The following SHTN1 variants were observed in gnomAD, a reference collection of about 807,000 sequenced individuals.
SHTN1 encodes shootin-1.
A neutral mutation model predicts 83.1 loss-of-function variants in SHTN1; 42 were observed. That is an observed-to-expected ratio of 0.51 (90% CI 0.39 to 0.65). SHTN1 has a LOEUF of 0.65. Ranked by LOEUF, SHTN1 falls within the 30% of genes least tolerant of loss-of-function variation. The pLI, the probability that SHTN1 is intolerant of heterozygous loss-of-function variation, is 0.00. For missense variants in SHTN1, 622 were observed against 737.8 expected (o/e 0.84, Z 1.82); for synonymous variants, 224 against 247.7 (o/e 0.90, Z 0.90).
chr10:116,975,033 A>C (rs1051698416), intron 2 of SHTN1, among the ~76,000 whole-genome samples: 3 of 152,116 alleles, frequency 2.0e-5, no homozygotes, highest in Admixed American at 2.0e-4. Flanking sequence ...AGAGTTGTTC[A>C]CCTCAGTATG....
rs190444879 is a variant in SHTN1, at chr10:117,038,424, G to A, written c.-123+10021C>T. 7.6e-4 allele frequency among the ~76,000 whole-genome samples: 115 copies of A among 151,918 alleles called. 1 individual carries two copies. The highest frequency in any genetic ancestry group is 2.8e-3 in the African/African-American group (114 of 41,378). On this transcript the variant is annotated intron_variant, in intron 2 of 17. Transcript: ENST00000392901. Reference sequence around the variant, plus strand: ...CAAAATGCTGGGATTACAGGCATGAGCCAATGCACCCAGCCGCAATGACTT... The same window carrying A: ...CAAAATGCTGGGATTACAGGCATGAACCAATGCACCCAGCCGCAATGACTT...
In SHTN1 at chr10:116,906,765, C is replaced by T. The variant is rs1437603670; in HGVS notation, c.1360-18G>A. Reference sequence around the variant, plus strand: ...AGTGTCCCCTAAAGTGAAAACAAAACAAAAACAAAAAGGTTAATGTCTTAA... The same window carrying T: ...AGTGTCCCCTAAAGTGAAAACAAAATAAAAACAAAAAGGTTAATGTCTTAA... On this transcript the variant is annotated intron_variant, in intron 14 of 16. Transcript: ENST00000355371. 2 of 1,586,662 alleles carry T rather than the reference C, an allele frequency of 1.3e-6. No homozygotes were observed. The highest frequency in any genetic ancestry group is 2.3e-5 in the East Asian group (1 of 44,180).
chr10:116,976,702 G>T (rs1388919157), intron 2 of SHTN1, among the ~76,000 whole-genome samples: 1 of 152,090 alleles, frequency 6.6e-6, no homozygotes, highest in Non-Finnish European at 1.5e-5. Flanking sequence ...CTCTATAAAA[G>T]GCTTTTATTA....
chr10:117,009,612 A>T (rs932522057), upstream of SHTN1, among the ~76,000 whole-genome samples: 15 of 152,098 alleles, frequency 9.9e-5, no homozygotes, highest in Non-Finnish European at 1.8e-4. Context: ...ATTACTATAA[A>T]CATATATACA....
rs1012626591 is a variant in SHTN1 at position 117,078,025 on chromosome 10, T to C, written c.-188-29515A>G. Among the ~76,000 whole-genome samples, 4 of 152,212 alleles carry C rather than the reference T, an allele frequency of 2.6e-5. No homozygotes were observed. The East Asian group carries it at 5.8e-4, about 22-fold the overall frequency. The stretch of plus-strand genomic sequence containing the variant: ...ACAGCACAAACAATAGCCAGCACTA[T>C]AGACATCTCAACTGGTCCAACTTAC... On this transcript the variant is annotated intron_variant, in intron 1 of 17. Transcript: ENST00000392901.
intron 8 of SHTN1, among the ~76,000 whole-genome samples, chr10:116,943,070 A>C (rs757300689): frequency 6.6e-6 from 1 of 150,662 alleles, no homozygotes; most frequent in Non-Finnish European, 1.5e-5. Context: ...AGATATTGTA[A>C]AATTGTTGAG....
At chr10:117,058,637 C>T (rs1013470164) in intron 1 of SHTN1, among the ~76,000 whole-genome samples, 1 of 152,124 alleles carries the variant, frequency 6.6e-6, no homozygotes. Flanking sequence ...CCATATAATA[C>T]ACCAATTCCA....
At chr10:117,056,334 G>A (rs1191742912) in intron 1 of SHTN1, among the ~76,000 whole-genome samples, 2 of 152,098 alleles carry the variant, frequency 1.3e-5, no homozygotes, top group Non-Finnish European at 2.9e-5. Flanking sequence ...CAAATCAAAT[G>A]AAGCAATGTA....
rs903327565 is a variant in SHTN1 at position 116,924,754 on chromosome 10, T to C, written c.1112+3038A>G. ...GTGGAGAATTTTCACCTATTTTTTT[T>C]TTTTTTTTTTTTTTTTTTTTTGAGA... On this transcript the variant is annotated intron_variant, in intron 11 of 16. Transcript: ENST00000355371. Among the ~76,000 whole-genome samples the C allele has an allele frequency of 8.7e-3, 562 of 64,840 alleles. 3 individuals are homozygous for C. Among genetic ancestry groups the C allele is most frequent in the Non-Finnish European group, 0.013 (437 of 33,994 alleles). 42.5% of individuals were successfully genotyped at this position (64,840 alleles called of 152,430 possible).
intron 1 of SHTN1, among the ~76,000 whole-genome samples, chr10:116,986,272 T>C (rs950363970): frequency 1.3e-5 from 2 of 152,046 alleles, no homozygotes; most frequent in Non-Finnish European, 2.9e-5. Context: ...TATCAAATAA[T>C]TGAAGTCACA....
chr10:117,090,094 A>G (rs1276620509), intron 1 of SHTN1, among the ~76,000 whole-genome samples: 1 of 152,206 alleles, frequency 6.6e-6, no homozygotes, highest in Admixed American at 6.5e-5. Flanking sequence ...TCTCAAAGAG[A>G]TATTTGTACA....
chr10:116,982,827 C>A (rs1475100405), intron 1 of SHTN1, among the ~76,000 whole-genome samples: 1 of 151,934 alleles, frequency 6.6e-6, no homozygotes, highest in Non-Finnish European at 1.5e-5. Flanking sequence ...CCAGGTATGG[C>A]AGCACACGCC....
chr10:117,088,849 T>A (rs887994796), intron 1 of SHTN1, among the ~76,000 whole-genome samples: 7 of 152,212 alleles, frequency 4.6e-5, no homozygotes, highest in African/African-American at 1.7e-4. Context: ...TTTAGGCACA[T>A]TTCCTAGACC....
rs944099038 is a variant in SHTN1, at chr10:116,881,597, G to A, written c.*4747C>T. Reference sequence around the variant, plus strand: ...AGGCACTTGAGGCTGCTGCGGCTAGGGAGCCGCTGGTGCCCACCTTCCCCA... The same window carrying A: ...AGGCACTTGAGGCTGCTGCGGCTAGAGAGCCGCTGGTGCCCACCTTCCCCA... On this transcript the variant is annotated 3_prime_UTR_variant, in exon 17 of 17. Coordinates refer to ENST00000355371, the MANE Select transcript of SHTN1 (RefSeq NM_001127211.3). 2 of 1,550,244 alleles carry A rather than the reference G, an allele frequency of 1.3e-6. No individual in the cohort carries two copies. Among genetic ancestry groups the A allele is most frequent in the African/African-American group, 2.7e-5 (2 of 73,050 alleles).
chr10:117,038,606 C>G (rs1255227100), intron 2 of SHTN1, among the ~76,000 whole-genome samples: 2 of 151,990 alleles, frequency 1.3e-5, no homozygotes, highest in Admixed American at 6.6e-5. Flanking sequence ...GGGCTGTTAT[C>G]CAAAATATAC....
chr10:117,057,350 T>C (rs1483837590), intron 1 of SHTN1, among the ~76,000 whole-genome samples: 1 of 152,152 alleles, frequency 6.6e-6, no homozygotes, highest in Non-Finnish European at 1.5e-5. Flanking sequence ...AGGAGCAGCT[T>C]GCAGTTTGCC....
chr10:117,113,670 G>A (rs1057490090), intron 1 of SHTN1, among the ~76,000 whole-genome samples: 5 of 152,326 alleles, frequency 3.3e-5, no homozygotes, highest in East Asian at 1.9e-4. Flanking sequence ...TTTGGGAAGC[G>A]GAAGCCAGAA....
upstream of SHTN1, among the ~76,000 whole-genome samples, chr10:117,008,074 A>G (rs905922249): frequency 2.0e-5 from 3 of 152,062 alleles, no homozygotes; most frequent in African/African-American, 7.2e-5. Flanking sequence ...TGACCTCCAA[A>G]TAACAGGTCA....
intron 1 of SHTN1, among the ~76,000 whole-genome samples, chr10:117,098,908 A>G (rs1853546099): frequency 6.6e-6 from 1 of 152,006 alleles, no homozygotes; most frequent in Non-Finnish European, 1.5e-5. Context: ...CTCGATCCTT[A>G]AAAGACTTCA....
Sources: gnomAD v4.1 joint callset for allele counts (sites outside exome capture counted in the v4.1 genomes callset) on GRCh38, gnomAD v4.1.1 for gene constraint, MANE v1.5 for transcripts, NCBI Gene and HGNC (gene_info 2026-07-23, HGNC 2026-07-21) for gene names.